Variants in PRP4K observed in about 807,000 individuals in gnomAD.
PRP4K encodes the protein serine/threonine-protein kinase PRP4 homolog.
the PRP4K span, chr6:4,021,416 G>C: frequency 6.3e-7 from 1 of 1,581,290 alleles, no homozygotes. Flanking sequence ...GAGGAGTCAG[G>C]AAGTTCAAGA....
At chr6:4,029,340 T>A in the PRP4K span, among the ~76,000 whole-genome samples, 1 of 16,354 alleles carries the variant, frequency 6.1e-5, no homozygotes, top group Non-Finnish European at 1.4e-4. Context: ...TGTTACTCAA[T>A]TTTTTTTTTT....
chr6:4,053,515 T>C, the PRP4K span, among the ~76,000 whole-genome samples: 1 of 151,434 alleles, frequency 6.6e-6, no homozygotes, highest in African/African-American at 2.4e-5. Flanking sequence ...TGTTCTCACC[T>C]TTTGAAACCT....
the PRP4K span, chr6:4,048,964 G>A: frequency 5.2e-6 from 7 of 1,348,360 alleles, no homozygotes; most frequent in Middle Eastern, 1.9e-4. Context: ...AAGGAAGTGC[G>A]TTAAATGTCT....
chr6:4,056,758 A>G, the PRP4K span: 1 of 1,457,082 alleles, frequency 6.9e-7, no homozygotes, highest in South Asian at 1.2e-5. Flanking sequence ...GAGGCTGATT[A>G]GCACCTCCAC....
the PRP4K span, among the ~76,000 whole-genome samples, chr6:4,046,162 G>A: frequency 6.6e-6 from 1 of 152,162 alleles, no homozygotes; most frequent in Non-Finnish European, 1.5e-5. Context: ...CCTAGAAGTG[G>A]GATTGCTGGG....
chr6:4,049,193 A>G, the PRP4K span: 1 of 1,227,464 alleles, frequency 8.1e-7, no homozygotes, highest in Non-Finnish European at 1.2e-6. Flanking sequence ...ATTATTGGAG[A>G]ACTCTGAAAA....
the PRP4K span, among the ~76,000 whole-genome samples, chr6:4,046,921 G>A: frequency 2.0e-5 from 3 of 152,110 alleles, no homozygotes; most frequent in South Asian, 6.2e-4. Context: ...GCCTCCCAAA[G>A]TGCTGGGATT....
At chr6:4,031,286 C>G in the PRP4K span, among the ~76,000 whole-genome samples, 2 of 152,118 alleles carry the variant, frequency 1.3e-5, no homozygotes, top group African/African-American at 4.8e-5. Flanking sequence ...TTTCTCTAAC[C>G]TGTACTTTTT....
the PRP4K span, among the ~76,000 whole-genome samples, chr6:4,028,077 G>A: frequency 6.6e-6 from 1 of 152,184 alleles, no homozygotes; most frequent in Non-Finnish European, 1.5e-5. Flanking sequence ...GATTTCTGGG[G>A]ACAAAGGATG....
chr6:4,047,495 T>G, the PRP4K span, among the ~76,000 whole-genome samples: 1 of 152,170 alleles, frequency 6.6e-6, no homozygotes, highest in African/African-American at 2.4e-5. Flanking sequence ...GATAAACATG[T>G]CATTTGTACA....
the PRP4K span, chr6:4,047,316 T>A: frequency 8.1e-7 from 1 of 1,227,224 alleles, no homozygotes; most frequent in East Asian, 2.4e-5. Context: ...TATATACATA[T>A]AGAGAAAGAA....
chr6:4,029,003 A>G, the PRP4K span, among the ~76,000 whole-genome samples: 1 of 123,858 alleles, frequency 8.1e-6, no homozygotes, highest in Non-Finnish European at 1.8e-5. Context: ...GAATTGGTCT[A>G]CTTGGAATCT....
chr6:4,037,947 A>G, the PRP4K span, among the ~76,000 whole-genome samples: 1 of 151,472 alleles, frequency 6.6e-6, no homozygotes, highest in East Asian at 1.9e-4. Flanking sequence ...TTGCATATTG[A>G]TAGTTACTGT....
At chr6:4,029,400 G>A in the PRP4K span, among the ~76,000 whole-genome samples, 2 of 143,182 alleles carry the variant, frequency 1.4e-5, no homozygotes, top group Non-Finnish European at 3.0e-5. Flanking sequence ...CTGGAGTGCA[G>A]TGGCCCCATC....
chr6:4,039,942 C>A, the PRP4K span, among the ~76,000 whole-genome samples: 1 of 150,052 alleles, frequency 6.7e-6, no homozygotes, highest in Admixed American at 6.7e-5. Context: ...GCTCTGTTAC[C>A]CAGGCTGGAG....
At chr6:4,031,815 C>T in the PRP4K span, 2 of 1,613,740 alleles carry the variant, frequency 1.2e-6, no homozygotes, top group African/African-American at 2.7e-5. Context: ...AAGAACTAAA[C>T]TTGATGATTT....
At chr6:4,035,284 ATTTTTTTTTTTTTTTTT>A in the PRP4K span, among the ~76,000 whole-genome samples, 7 of 58,778 alleles carry the variant, frequency 1.2e-4, no homozygotes, top group East Asian at 6.0e-4. Flanking sequence ...CGCCCGGCTA[ATTTTTTTTTTTTTTTTT>A]TTTTTTTTTT....
At chr6:4,056,697 A>G in the PRP4K span, 9 of 1,541,922 alleles carry the variant, frequency 5.8e-6, no homozygotes, top group East Asian at 1.5e-4. Flanking sequence ...AGGTCTGATT[A>G]TCACATTTAT....
At chr6:4,023,802 C>T in the PRP4K span, among the ~76,000 whole-genome samples, 1 of 152,124 alleles carries the variant, frequency 6.6e-6, no homozygotes. Context: ...TAGCCTCAGC[C>T]TCAAGTGATC....
Sources: gnomAD v4.1 joint callset for allele counts (sites outside exome capture counted in the v4.1 genomes callset) on GRCh38, gnomAD v4.1.1 for gene constraint, MANE v1.5 for transcripts, NCBI Gene and HGNC (gene_info 2026-07-23, HGNC 2026-07-21) for gene names.